HABP4: variants seen among roughly 807,000 people sequenced by gnomAD.
HABP4 encodes intracellular hyaluronan-binding protein 4.
In HABP4, 32 loss-of-function variants were observed where a neutral mutation model predicts 44.1. The observed-to-expected ratio is 0.73, with a 90% CI of 0.55 to 0.97. HABP4 has a LOEUF of 0.97. HABP4 is among the 50% of genes least tolerant of loss of function. HABP4 has a pLI of 0.00. For missense variants in HABP4, 503 were observed against 561.9 expected (o/e 0.90, Z 1.06); for synonymous variants, 216 against 218.0 (o/e 0.99, Z 0.08).
chr9:96,450,177 G>C lies in HABP4; in HGVS notation c.-103G>C. Reference sequence around the variant, plus strand: ...TAGGGGCCGGACAGGGTAGGGCCCGGAGGGCGGTGGCGGCGGAGCGGGCGG... The same window carrying C: ...TAGGGGCCGGACAGGGTAGGGCCCGCAGGGCGGTGGCGGCGGAGCGGGCGG... On this transcript the variant is annotated 5_prime_UTR_variant, in exon 1 of 8. Transcript: ENST00000375249. This position sits in a 1 kb window ranked among gnomAD's most constrained non-coding sequence, Gnocchi z 4.8. The C allele has an allele frequency of 8.6e-7, 1 of 1,160,018 alleles. No homozygotes were observed. Among genetic ancestry groups the C allele is most frequent in the South Asian group, 3.3e-5 (1 of 30,198 alleles). 71.9% of individuals were successfully genotyped at this position (1,160,018 alleles called of 1,614,324 possible).
rs1486129567 is a variant in HABP4 at position 96,490,033 on chromosome 9, TC to T, written c.1238del (p.Ser413PhefsTer84). On this transcript the variant is annotated frameshift_variant, in exon 8 of 8. Coordinates refer to ENST00000375249, the MANE Select transcript of HABP4 (RefSeq NM_014282.4). LOFTEE classifies it high-confidence loss of function. ...PDDPEDFPAL[S>X] ...TGACCCGGAAGATTTCCCTGCGCTG[TC>T]TTGAAAGAGCCCTGTTTCCCAGCAC... The T allele has an allele frequency of 6.3e-7, 1 of 1,592,712 alleles. No homozygotes were observed. Among genetic ancestry groups the T allele is most frequent in the African/African-American group, 1.3e-5 (1 of 74,504 alleles).
intron 5 of HABP4, among the ~76,000 whole-genome samples, chr9:96,474,226 A>T (rs1188478758): frequency 6.6e-6 from 1 of 152,236 alleles, no homozygotes; most frequent in Non-Finnish European, 1.5e-5. Flanking sequence ...AAATAGGAGT[A>T]ACAGTTAATA....
intron 2 of HABP4, among the ~76,000 whole-genome samples, chr9:96,460,761 T>G (rs1416357771): frequency 1.3e-5 from 2 of 152,232 alleles, no homozygotes; most frequent in Non-Finnish European, 2.9e-5. Flanking sequence ...GTTACGCACT[T>G]TTGGCAGGAA....
At chr9:96,487,813 AATC>A (rs1204737893) in intron 6 of HABP4, among the ~76,000 whole-genome samples, 1 of 152,242 alleles carries the variant, frequency 6.6e-6, no homozygotes, top group East Asian at 1.9e-4. Flanking sequence ...TCCCACTTGA[AATC>A]ATAATAAGTT....
intron 5 of HABP4, among the ~76,000 whole-genome samples, chr9:96,481,960 G>C (rs1162120632): frequency 6.7e-6 from 1 of 148,274 alleles, no homozygotes; most frequent in Non-Finnish European, 1.5e-5. Context: ...TTTTGAGATG[G>C]AATCTCACTC....
intron 4 of HABP4, among the ~76,000 whole-genome samples, chr9:96,468,257 T>C (rs930528441): frequency 7.5e-6 from 1 of 133,688 alleles, no homozygotes; most frequent in Non-Finnish European, 1.6e-5. Flanking sequence ...ACACCCAGCA[T>C]TTTTTTTTTT....
intron 5 of HABP4, among the ~76,000 whole-genome samples, chr9:96,471,495 C>T (rs1237719421): frequency 2.0e-5 from 3 of 152,252 alleles, no homozygotes; most frequent in Non-Finnish European, 1.5e-5. Context: ...ACCCCTTATC[C>T]TATCACAGAG....
At chr9:96,466,138 G>C (rs570050300) in intron 4 of HABP4, among the ~76,000 whole-genome samples, 1 of 152,272 alleles carries the variant, frequency 6.6e-6, no homozygotes, top group East Asian at 1.9e-4. Context: ...TGGAAGCCAA[G>C]GTGGACGGAT....
intron 1 of HABP4, among the ~76,000 whole-genome samples, chr9:96,453,256 G>A (rs1312834717): frequency 6.6e-6 from 1 of 151,976 alleles, no homozygotes; most frequent in Non-Finnish European, 1.5e-5. Context: ...TTTTAGTAGA[G>A]GCATGGGTTC....
chr9:96,465,442 C>G lies in HABP4; in HGVS notation c.618C>G (p.Asp206Glu). The G allele has an allele frequency of 1.2e-6, 2 of 1,612,054 alleles. No homozygotes were observed. The highest frequency in any genetic ancestry group is 8.5e-7 in the Non-Finnish European group (1 of 1,178,122). Residue 206 changes from aspartate to glutamate, a missense_variant, in exon 3 of 8, where the codon GAC (aspartate) becomes GAG (glutamate). By Grantham distance (45) the Asp-to-Glu change is conservative. Coordinates refer to ENST00000375249, the MANE Select transcript of HABP4 (RefSeq NM_014282.4). ...GRGGPGNRVF[D>E]AFDQRGKREF... is the part of the protein sequence containing the mutation. ...GTGGCCCTGGGAACAGAGTTTTTGA[C>G]GCTTTTGACCAGAGAGGAAAGCGAG... is the stretch of plus-strand genomic sequence containing the variant.
At chr9:96,469,543 T>C (rs13301352) in intron 4 of HABP4, among the ~76,000 whole-genome samples, 3,858 of 151,676 alleles carry the variant, frequency 0.025, 70 homozygotes, top group Middle Eastern at 0.051. Flanking sequence ...CCTTTTTTTC[T>C]TTTTTTTTGA....
At chr9:96,487,624 G>A (rs1230695753) in intron 6 of HABP4, among the ~76,000 whole-genome samples, 3 of 152,160 alleles carry the variant, frequency 2.0e-5, no homozygotes, top group Admixed American at 1.3e-4. Flanking sequence ...TTCTGTTCTG[G>A]GAAGGGGATA....
At chr9:96,452,108 G>T (rs1482600685) in intron 1 of HABP4, among the ~76,000 whole-genome samples, 1 of 151,610 alleles carries the variant, frequency 6.6e-6, no homozygotes, top group Non-Finnish European at 1.5e-5. Flanking sequence ...GCACCTGTAG[G>T]TCCAGCTACT....
intron 5 of HABP4, among the ~76,000 whole-genome samples, chr9:96,480,653 T>C (rs1832860589): frequency 6.6e-6 from 1 of 152,250 alleles, no homozygotes; most frequent in Admixed American, 6.5e-5. Flanking sequence ...TAGACATCTG[T>C]ACACTTCCCC....
Position 96,473,387 on chromosome 9 carries a change from C to T in HABP4, c.827+2293C>T, listed in dbSNP as rs188661921. Among the ~76,000 whole-genome samples, 13 of 152,316 alleles carry T rather than the reference C, an allele frequency of 8.5e-5. No individual in the cohort carries two copies. The East Asian group carries it at 2.3e-3, about 27-fold the overall frequency. On this transcript the variant is annotated intron_variant, in intron 5 of 7. Transcript: ENST00000375249. The stretch of plus-strand genomic sequence containing the variant: ...CTTCTTGACCCTCCTCTTTCCAAAA[C>T]CCAGTCCTTCCCTCTGCTCTGGTGA...
intron 5 of HABP4, among the ~76,000 whole-genome samples, chr9:96,481,896 A>G (rs1455929382): frequency 6.6e-6 from 1 of 151,864 alleles, no homozygotes; most frequent in African/African-American, 2.4e-5. Flanking sequence ...CATCAGTAAC[A>G]TTCATATTGT....
chr9:96,486,167 G>A (rs1234697463), intron 6 of HABP4, among the ~76,000 whole-genome samples: 2 of 152,124 alleles, frequency 1.3e-5, no homozygotes, highest in Non-Finnish European at 2.9e-5. Flanking sequence ...ACTCCAGCCT[G>A]GGCAACAAAG....
chr9:96,482,088 A>G lies in HABP4; in HGVS notation c.828-2374A>G, dbSNP rs1832891049. 2.0e-5 allele frequency among the ~76,000 whole-genome samples: 3 copies of G among 151,716 alleles called. No homozygotes were observed. The South Asian group carries it at 6.2e-4, about 32-fold the overall frequency. On this transcript the variant is annotated intron_variant, in intron 5 of 7. Transcript: ENST00000375249. ...GTAGCTGGGACTACAGGCACATTCCACTACACCCGGCTAATTTTTCTGGTA... is the reference window on the plus strand; with the variant it reads ...GTAGCTGGGACTACAGGCACATTCCGCTACACCCGGCTAATTTTTCTGGTA...
At chr9:96,454,855 G>A (rs930760482) in intron 1 of HABP4, among the ~76,000 whole-genome samples, 2 of 152,202 alleles carry the variant, frequency 1.3e-5, no homozygotes, top group Admixed American at 1.3e-4. Flanking sequence ...GGTGGCTCAC[G>A]CCTGTGATCC....
Sources: allele counts gnomAD v4.1 joint callset (sites outside exome capture counted in the v4.1 genomes callset), GRCh38; gene constraint gnomAD v4.1.1; non-coding constraint Gnocchi (gnomAD v3.1); transcripts MANE v1.5; gene names NCBI Gene and HGNC (gene_info 2026-07-23, HGNC 2026-07-21).